Variants in CYP2C18 observed in about 807,000 individuals in gnomAD.
The protein encoded by CYP2C18 is cytochrome P450 2C18.
A neutral mutation model predicts 41.3 loss-of-function variants in CYP2C18; 38 were observed. That is an observed-to-expected ratio of 0.92 (90% CI 0.71 to 1.21). The LOEUF is 1.21. CYP2C18 is among the 50% of genes most tolerant of loss of function. The pLI, the probability that CYP2C18 is intolerant of heterozygous loss-of-function variation, is 0.00. For missense variants in CYP2C18, 635 were observed against 591.4 expected, an observed-to-expected ratio of 1.07 and a Z score of -0.77; for synonymous variants, 236 against 210.0, an observed-to-expected ratio of 1.12 and a Z score of -1.07.
intron 7 of CYP2C18, among the ~76,000 whole-genome samples, chr10:94,732,750 C>T (rs567511615): frequency 3.9e-5 from 6 of 151,956 alleles, no homozygotes; most frequent in African/African-American, 9.7e-5. Flanking sequence ...AGGAGTTAAA[C>T]ATCAGTACTC....
At chr10:94,728,444 A>G (rs1042907741) in intron 7 of CYP2C18, 14 of 153,238 alleles carry the variant, frequency 9.1e-5, no homozygotes, top group African/African-American at 3.4e-4. Flanking sequence ...CAAATAATTT[A>G]CCCAGTAGTT....
At position 94,695,096 on chromosome 10, in the gene CYP2C18, C is replaced by T. The variant is rs183285552; in HGVS notation, c.642+19C>T. ...GATCCAGGTGAGATCAAGAGCTTCT[C>T]TTCCTGAGATATTATTTTTGTTATT... On this transcript the variant is annotated intron_variant, in intron 4 of 8. Coordinates refer to ENST00000285979, the MANE Select transcript of CYP2C18 (RefSeq NM_000772.3). The T allele has an allele frequency of 4.4e-6, 7 of 1,575,838 alleles. No individual in the cohort carries two copies. The Admixed American group carries it at 1.0e-4, about 23-fold the overall frequency.
chr10:94,687,056 C>A (rs1846900846), intron 1 of CYP2C18, among the ~76,000 whole-genome samples: 1 of 152,134 alleles, frequency 6.6e-6, no homozygotes, highest in Non-Finnish European at 1.5e-5. Flanking sequence ...TTAGTCAGGG[C>A]CATCTGGGTG....
At chr10:94,720,607 C>A in intron 6 of CYP2C18, 70 bp downstream of exon 6, 2 of 1,426,034 alleles carry the variant, frequency 1.4e-6, no homozygotes, top group Non-Finnish European at 9.7e-7. Flanking sequence ...CTATTGTCCT[C>A]AATCTTGTTT....
intron 6 of CYP2C18, among the ~76,000 whole-genome samples, chr10:94,723,677 T>C (rs978538211): frequency 2.6e-5 from 4 of 152,148 alleles, no homozygotes; most frequent in Non-Finnish European, 4.4e-5. Flanking sequence ...TGTGAATGTG[T>C]GTGCATGTTT....
chr10:94,728,609 A>G, intron 7 of CYP2C18: 1 of 975,504 alleles, frequency 1.0e-6, no homozygotes, highest in African/African-American at 1.8e-5. Context: ...TAAAAGAAAC[A>G]TATAGCATTT....
Position 94,729,183 on chromosome 10 carries a change from A to G in CYP2C18, c.1150-4114A>G, listed in dbSNP as rs145599539. Among the ~76,000 whole-genome samples the G allele has an allele frequency of 5.3e-5, 8 of 152,298 alleles. No homozygotes were observed. The South Asian group carries it at 1.7e-3, about 32-fold the overall frequency. ...GTATTCGCTTGTCAGCTGAGCTCAT[A>G]TAAAGAAGTCAGTGAGGAGCTGAGA... On this transcript the variant is annotated intron_variant, in intron 7 of 8. Coordinates refer to ENST00000285979, the MANE Select transcript of CYP2C18 (RefSeq NM_000772.3).
At chr10:94,714,144 G>A (rs552774291) in intron 5 of CYP2C18, among the ~76,000 whole-genome samples, 1 of 152,054 alleles carries the variant, frequency 6.6e-6, no homozygotes, top group Non-Finnish European at 1.5e-5. Flanking sequence ...TCACTCTGAT[G>A]GTAGTTTCTT....
intron 5 of CYP2C18, among the ~76,000 whole-genome samples, 192 bp downstream of exon 5, chr10:94,707,152 C>A (rs569618779): frequency 6.6e-6 from 1 of 152,038 alleles, no homozygotes; most frequent in African/African-American, 2.4e-5. Context: ...TTGTTAGGTA[C>A]TAAGAATTTA....
chr10:94,713,100 A>C lies in CYP2C18; in HGVS notation c.819+6140A>C, dbSNP rs551522845. Among the ~76,000 whole-genome samples the C allele has an allele frequency of 3.1e-3, 469 of 152,150 alleles. 3 individuals are homozygous for C. The highest frequency in any genetic ancestry group is 0.011 in the African/African-American group (446 of 41,528). ...TGTGCATGCATGTCTGTGTGTATAT[A>C]GTTTTTAATTTTAATTTTAATTTTA... On this transcript the variant is annotated intron_variant, in intron 5 of 8. Coordinates refer to ENST00000285979, the MANE Select transcript of CYP2C18 (RefSeq NM_000772.3).
At chr10:94,705,407 C>T (rs997547030) in intron 4 of CYP2C18, among the ~76,000 whole-genome samples, 13 of 152,064 alleles carry the variant, frequency 8.5e-5, no homozygotes, top group East Asian at 3.9e-4. Flanking sequence ...CTAATGTGTG[C>T]GGGGCTTAAT....
chr10:94,713,127 A>C (rs1847468981), intron 5 of CYP2C18, among the ~76,000 whole-genome samples: 2 of 152,108 alleles, frequency 1.3e-5, no homozygotes, highest in Admixed American at 1.3e-4. Flanking sequence ...TTAATTTTAA[A>C]AGAAGTATAG....
At chr10:94,718,665 A>G (rs1847597532) in intron 5 of CYP2C18, among the ~76,000 whole-genome samples, 1 of 151,938 alleles carries the variant, frequency 6.6e-6, no homozygotes, top group Non-Finnish European at 1.5e-5. Flanking sequence ...AGTCTCATCC[A>G]GGCAGAAACT....
intron 8 of CYP2C18, among the ~76,000 whole-genome samples, chr10:94,733,810 T>A (rs941884169): frequency 6.6e-6 from 1 of 152,104 alleles, no homozygotes; most frequent in African/African-American, 2.4e-5. Context: ...CCCTGTGGTG[T>A]CCCTAGCTCC....
chr10:94,716,707 C>G (rs1321474679), intron 5 of CYP2C18, among the ~76,000 whole-genome samples: 1 of 152,124 alleles, frequency 6.6e-6, no homozygotes, highest in Non-Finnish European at 1.5e-5. Flanking sequence ...CTGCTTGGTG[C>G]AGAGCTGAGT....
intron 7 of CYP2C18, among the ~76,000 whole-genome samples, chr10:94,725,019 CG>C (rs758646836): frequency 1.1e-3 from 163 of 149,396 alleles, no homozygotes; most frequent in Non-Finnish European, 9.2e-4. Flanking sequence ...TCATGTATTA[CG>C]TTTTTTTTCT....
intron 4 of CYP2C18, among the ~76,000 whole-genome samples, chr10:94,698,658 C>CA (rs1315830920): frequency 1.3e-5 from 2 of 149,108 alleles, no homozygotes; most frequent in African/African-American, 2.5e-5. Flanking sequence ...GATAGAGATG[C>CA]AAAAAACCCT....
At position 94,735,736 on chromosome 10, in the gene CYP2C18, G is replaced by T; in HGVS notation, c.*292G>T. On this transcript the variant is annotated 3_prime_UTR_variant, in exon 9 of 9. Coordinates refer to ENST00000285979, the MANE Select transcript of CYP2C18 (RefSeq NM_000772.3). Reference sequence around the variant, plus strand: ...CAGTATGTTATCACTAGAAAACAAAGAAAAATGATTAATAAATGACAATTC... The same window carrying T: ...CAGTATGTTATCACTAGAAAACAAATAAAAATGATTAATAAATGACAATTC... 3.1e-6 allele frequency: 1 copy of T among 326,632 alleles called. No individual in the cohort carries two copies. The highest frequency in any genetic ancestry group is 5.6e-6 in the Non-Finnish European group (1 of 179,390). The allele number at this position is 326,632 out of a possible 1,614,324, so 20.2% of individuals were successfully genotyped here.
chr10:94,687,152 A>G lies in CYP2C18; in HGVS notation c.169-618A>G, dbSNP rs1359859992. 2.0e-5 allele frequency among the ~76,000 whole-genome samples: 3 copies of G among 152,206 alleles called. 1 individual carries two copies. Among genetic ancestry groups the G allele is most frequent in the Admixed American group, 2.0e-4 (3 of 15,270 alleles). On this transcript the variant is annotated intron_variant, in intron 1 of 8. Transcript: ENST00000285979. ...ATGGAAAACATTTTTCCTCTGTGAG[A>G]TGCCACACATCCTGATACTATCTCT...
Sources: allele counts gnomAD v4.1 joint callset (sites outside exome capture counted in the v4.1 genomes callset), GRCh38; gene constraint gnomAD v4.1.1; transcripts MANE v1.5; gene names NCBI Gene and HGNC (gene_info 2026-07-23, HGNC 2026-07-21).